The following GRM1 variants were observed in gnomAD, a reference collection of about 807,000 sequenced individuals.
GRM1 encodes the protein metabotropic glutamate receptor 1.
Under a neutral mutation model 90.9 loss-of-function variants are expected in GRM1, and 33 were observed. The ratio of observed to expected loss-of-function variants is 0.36; its 90% CI spans 0.28 to 0.49. The LOEUF is 0.49. Ranked by LOEUF, GRM1 falls within the 20% of genes least tolerant of loss-of-function variation. The pLI, the probability that GRM1 is intolerant of heterozygous loss-of-function variation, is 0.99. For synonymous variants in GRM1, 700 were observed against 613.2 expected, an observed-to-expected ratio of 1.14 and a Z score of -2.09; for missense variants, 1,190 against 1,534.3, an observed-to-expected ratio of 0.78 and a Z score of 3.75.
intron 1 of GRM1, among the ~76,000 whole-genome samples, chr6:146,089,304 A>C (rs866382742): frequency 1.3e-5 from 2 of 152,242 alleles, no homozygotes; most frequent in South Asian, 4.2e-4. Flanking sequence ...AAGGCAATGA[A>C]TTCCGCCAGC....
At chr6:146,074,777 G>C (rs964774220) in intron 1 of GRM1, among the ~76,000 whole-genome samples, 2 of 151,976 alleles carry the variant, frequency 1.3e-5, no homozygotes, top group African/African-American at 2.4e-5. Context: ...TCATAAATCC[G>C]ACACAAATAT....
intron 2 of GRM1, among the ~76,000 whole-genome samples, chr6:146,204,330 A>G (rs1779422377): frequency 6.6e-6 from 1 of 152,240 alleles, no homozygotes; most frequent in African/African-American, 2.4e-5. Context: ...ATTTACCCTA[A>G]TTTCCTGAAC....
chr6:146,187,486 C>A (rs1218143855), intron 2 of GRM1, among the ~76,000 whole-genome samples: 1 of 151,964 alleles, frequency 6.6e-6, no homozygotes, highest in African/African-American at 2.4e-5. Flanking sequence ...GAGAGGTATG[C>A]ATTAAGGCAC....
At chr6:146,157,941 A>G (rs982329306) in intron 1 of GRM1, among the ~76,000 whole-genome samples, 1 of 152,192 alleles carries the variant, frequency 6.6e-6, no homozygotes, top group African/African-American at 2.4e-5. Context: ...GGAAATTTGA[A>G]GAGAGAAGAG....
chr6:146,360,127 A>T (rs1339592369), intron 5 of GRM1, among the ~76,000 whole-genome samples: 1 of 152,192 alleles, frequency 6.6e-6, no homozygotes, highest in Non-Finnish European at 1.5e-5. Context: ...TTGCAAGGTG[A>T]TTGTAGGACA....
chr6:146,404,365 A>C (rs544850053), intron 7 of GRM1, among the ~76,000 whole-genome samples: 1 of 152,270 alleles, frequency 6.6e-6, no homozygotes. Flanking sequence ...TGACTGCACC[A>C]ATCTTGCAAT....
At chr6:146,336,928 C>A (rs946419459) in intron 3 of GRM1, among the ~76,000 whole-genome samples, 2 of 152,234 alleles carry the variant, frequency 1.3e-5, no homozygotes, top group Admixed American at 1.3e-4. Context: ...GTTGCCCACT[C>A]TGGGTACCCT....
chr6:146,284,703 C>T (rs1326925157), intron 2 of GRM1, among the ~76,000 whole-genome samples: 2 of 152,170 alleles, frequency 1.3e-5, no homozygotes, highest in Non-Finnish European at 2.9e-5. Flanking sequence ...CTGTCTCTCT[C>T]TTGCTGCCAT....
chr6:146,409,392 C>A (rs1777478193), intron 7 of GRM1, among the ~76,000 whole-genome samples: 1 of 152,126 alleles, frequency 6.6e-6, no homozygotes, highest in Non-Finnish European at 1.5e-5. Context: ...AACTCCATGG[C>A]TCTGTTAGAG....
At chr6:146,079,051 A>T (rs1411755103) in intron 1 of GRM1, among the ~76,000 whole-genome samples, 1 of 152,170 alleles carries the variant, frequency 6.6e-6, no homozygotes, top group Non-Finnish European at 1.5e-5. Context: ...CAGGAACCGG[A>T]GGGGCCAGGC....
At chr6:146,233,303 T>C (rs1235923271) in intron 2 of GRM1, among the ~76,000 whole-genome samples, 1 of 152,150 alleles carries the variant, frequency 6.6e-6, no homozygotes, top group South Asian at 2.1e-4. Flanking sequence ...GTTCAACTTA[T>C]ACTGGCTCAT....
chr6:146,309,398 CA>C (rs1395434347), intron 3 of GRM1, among the ~76,000 whole-genome samples: 1,741 of 114,422 alleles, frequency 0.015, 65 homozygotes, highest in East Asian at 0.097. Context: ...GACTCTGTCT[CA>C]AAAAAAAAAA....
intron 2 of GRM1, among the ~76,000 whole-genome samples, chr6:146,192,019 A>G (rs997878547): frequency 6.6e-6 from 1 of 152,210 alleles, no homozygotes; most frequent in Non-Finnish European, 1.5e-5. Flanking sequence ...TTGTGCTAAG[A>G]CCAAGTAAGT....
chr6:146,364,228 T>C (rs969736983), intron 5 of GRM1, among the ~76,000 whole-genome samples: 2 of 152,216 alleles, frequency 1.3e-5, no homozygotes, highest in African/African-American at 2.4e-5. Flanking sequence ...GGCTACACCA[T>C]AGAATATAGA....
chr6:146,244,663 GAT>G (rs1392692688), intron 2 of GRM1, among the ~76,000 whole-genome samples: 1 of 152,202 alleles, frequency 6.6e-6, no homozygotes, highest in Non-Finnish European at 1.5e-5. Context: ...AATTCTTATA[GAT>G]ATATTTGTTT....
intron 2 of GRM1, among the ~76,000 whole-genome samples, chr6:146,212,108 A>T (rs1481406281): frequency 6.6e-6 from 1 of 152,168 alleles, no homozygotes; most frequent in Non-Finnish European, 1.5e-5. Context: ...TAACTGAGGG[A>T]ATCAGGTCCA....
intron 2 of GRM1, among the ~76,000 whole-genome samples, chr6:146,300,519 G>A (rs73785342): frequency 0.019 from 2,924 of 152,230 alleles, 39 homozygotes; most frequent in Admixed American, 0.027. Flanking sequence ...AAATATTGAG[G>A]GGGAATAGGA....
At chr6:146,124,941 GAA>G (rs1280153204) in intron 1 of GRM1, among the ~76,000 whole-genome samples, 3 of 152,116 alleles carry the variant, frequency 2.0e-5, no homozygotes, top group African/African-American at 7.2e-5. Flanking sequence ...TTAAACTAGA[GAA>G]AACTGTTAGT....
chr6:146,057,035 T>A (rs1454893052), intron 1 of GRM1, among the ~76,000 whole-genome samples: 2 of 152,198 alleles, frequency 1.3e-5, no homozygotes, highest in Non-Finnish European at 2.9e-5. Context: ...TGTGGTATCC[T>A]AGTAAATATT....
Sources: allele counts gnomAD v4.1 joint callset (sites outside exome capture counted in the v4.1 genomes callset), GRCh38; gene constraint gnomAD v4.1.1; transcripts MANE v1.5; gene names NCBI Gene and HGNC (gene_info 2026-07-23, HGNC 2026-07-21).